The following MED20 variants were observed in gnomAD, a reference collection of about 807,000 sequenced individuals.
MED20 encodes mediator of RNA polymerase II transcription subunit 20.
Under a neutral mutation model 19.7 loss-of-function variants are expected in MED20, and 19 were observed. The ratio of observed to expected loss-of-function variants is 0.96; its 90% CI spans 0.67 to 1.42. The LOEUF (loss-of-function observed/expected upper bound fraction) is 1.42, where lower values mean the gene tolerates loss of function less well. MED20 is among the 40% of genes most tolerant of loss of function. MED20 has a pLI of 0.00. For synonymous variants in MED20, 105 were observed against 104.8 expected, an observed-to-expected ratio of 1.00 and a Z score of -0.01; for missense variants, 225 against 273.0, an observed-to-expected ratio of 0.82 and a Z score of 1.24.
Position 41,916,846 on chromosome 6 carries a change from T to C in MED20, c.108A>G (p.Gln36=). Reference sequence around the variant, plus strand: ...TCTCACAGTCCACACAAAATGTTCCTTGCTTCTCTGCCCCAAGCATCTCCA... The same window carrying C: ...TCTCACAGTCCACACAAAATGTTCCCTGCTTCTCTGCCCCAAGCATCTCCA... ...RKLEMLGAEK[Q]GTFCVDCETY... The change falls in exon 2 of 4, where the codon CAA becomes CAG. Residue 36 remains glutamine, a synonymous_variant. Coordinates refer to ENST00000265350, the MANE Select transcript of MED20 (RefSeq NM_004275.5). 1 of 1,614,110 alleles carries C rather than the reference T, an allele frequency of 6.2e-7. No homozygotes were observed.
At chr6:41,907,952 G>A (rs1775098937) in intron 3 of MED20, among the ~76,000 whole-genome samples, 2 of 152,156 alleles carry the variant, frequency 1.3e-5, no homozygotes, top group Admixed American at 6.5e-5. Flanking sequence ...GATAAACAGC[G>A]GGTCCTCAGT....
intron 2 of MED20, among the ~76,000 whole-genome samples, chr6:41,916,007 G>T (rs908450597): frequency 6.6e-6 from 1 of 152,026 alleles, no homozygotes; most frequent in Non-Finnish European, 1.5e-5. Context: ...AGTACTTTGG[G>T]AAGCTGAGGC....
rs748529032 is a variant in MED20, at chr6:41,909,574, CAGAGT to C, written c.170-57_170-53del. 3 of 1,594,344 alleles carry C rather than the reference CAGAGT, an allele frequency of 1.9e-6. No homozygotes were observed. In the South Asian group the frequency reaches 3.4e-5, roughly 18 times the overall value. ...CATCAAGACTTTCACTGGCAAACCC[CAGAGT>C]AGAGTCAAATGACTCCCCCCGGAAT... On this transcript the variant is annotated intron_variant, in intron 2 of 3. Transcript: ENST00000265350.
chr6:41,921,004 C>T lies in MED20; in HGVS notation c.14+1G>A, dbSNP rs1202726027. ...CCCCACAAAACCCCCTGCAGTCCTA[C>T]CAAGTCACTCCCATGGCGTCGGGCC... On this transcript the variant is annotated splice_donor_variant, in intron 1 of 3. Coordinates refer to ENST00000265350, the MANE Select transcript of MED20 (RefSeq NM_004275.5). LOFTEE classifies it high-confidence loss of function. 1 of 1,613,000 alleles carries T rather than the reference C, an allele frequency of 6.2e-7. No homozygotes were observed. Among genetic ancestry groups the T allele is most frequent in the Non-Finnish European group, 8.5e-7 (1 of 1,179,492 alleles).
At chr6:41,911,340 G>A (rs970420809) in intron 2 of MED20, among the ~76,000 whole-genome samples, 4 of 151,510 alleles carry the variant, frequency 2.6e-5, no homozygotes, top group Non-Finnish European at 5.9e-5. Flanking sequence ...TAGTAGAGAC[G>A]GGGTTTCACC....
Position 41,921,110 on chromosome 6 carries a change from C to T in MED20, c.-92G>A, listed in dbSNP as rs1480159097. On this transcript the variant is annotated 5_prime_UTR_variant, in exon 1 of 4. Coordinates refer to ENST00000265350, the MANE Select transcript of MED20 (RefSeq NM_004275.5). Reference sequence around the variant, plus strand: ...AACTCCTTCAGTTCCCCAACACAACCTTCTGTCTCAGAAGGGACTCCGGAA... The same window carrying T: ...AACTCCTTCAGTTCCCCAACACAACTTTCTGTCTCAGAAGGGACTCCGGAA... The T allele has an allele frequency of 3.3e-6, 5 of 1,538,248 alleles. No individual in the cohort carries two copies. Among genetic ancestry groups the T allele is most frequent in the Admixed American group, 1.8e-5 (1 of 54,772 alleles).
intron 2 of MED20, among the ~76,000 whole-genome samples, chr6:41,916,165 T>C (rs1203712359): frequency 6.6e-6 from 1 of 151,534 alleles, no homozygotes; most frequent in East Asian, 2.0e-4. Flanking sequence ...GAAGGATCAC[T>C]TGAGCCCAAG....
intron 2 of MED20, among the ~76,000 whole-genome samples, chr6:41,915,788 A>AC: frequency 6.7e-6 from 1 of 149,080 alleles, no homozygotes; most frequent in African/African-American, 2.5e-5. Flanking sequence ...CTCCGTCTCA[A>AC]AACACACACA....
chr6:41,912,987 G>A (rs1404489173), intron 2 of MED20: 2 of 151,992 alleles, frequency 1.3e-5, no homozygotes, highest in Admixed American at 6.6e-5. Context: ...GCACGCACCT[G>A]TGGCCCCAGC....
chr6:41,919,184 A>C (rs372161246), intron 1 of MED20, among the ~76,000 whole-genome samples: 257 of 151,994 alleles, frequency 1.7e-3, no homozygotes, highest in African/African-American at 6.0e-3. Context: ...AAAGAGGTTA[A>C]ATAACTTGCA....
rs149236237 is a variant in MED20 at position 41,910,462 on chromosome 6, T to C, written c.170-940A>G. On this transcript the variant is annotated intron_variant, in intron 2 of 3. Transcript: ENST00000265350. Reference sequence around the variant, plus strand: ...GCCTGATCAACATGGTGAAAACATGTCTCTACTAAAAATACAAAAATTATC... The same window carrying C: ...GCCTGATCAACATGGTGAAAACATGCCTCTACTAAAAATACAAAAATTATC... 2.6e-5 allele frequency among the ~76,000 whole-genome samples: 4 copies of C among 150,986 alleles called. No homozygotes were observed. In the East Asian group the frequency reaches 8.0e-4, roughly 30 times the overall value.
At chr6:41,917,343 T>C (rs993968863) in intron 1 of MED20, 1 of 172,600 alleles carries the variant, frequency 5.8e-6, no homozygotes, top group Non-Finnish European at 1.3e-5. Context: ...GAGACTGCAG[T>C]AAGCCGAGAC....
At chr6:41,907,341 G>C in intron 3 of MED20, 54 bp from the exon 4 acceptor site, 9 of 1,518,184 alleles carry the variant, frequency 5.9e-6, no homozygotes, top group Non-Finnish European at 7.1e-6. Context: ...GACAAGGTCT[G>C]CTTCTCTTGT....
intron 1 of MED20, 28 bp downstream of exon 1, chr6:41,920,977 C>G (rs1480537982): frequency 6.2e-7 from 1 of 1,606,952 alleles, no homozygotes; most frequent in South Asian, 1.1e-5. Flanking sequence ...CTCCAAGCCC[C>G]GCCCCACAAA....
Position 41,907,124 on chromosome 6 carries a change from A to G in MED20, c.587T>C (p.Leu196Pro). The change falls in exon 4 of 4, where the codon CTC (leucine) becomes CCC (proline). Residue 196 changes from leucine to proline, a missense_variant. Physicochemically the swap from Leu to Pro is moderately conservative, Grantham distance 98 (BLOSUM62 -3). Coordinates refer to ENST00000265350, the MANE Select transcript of MED20 (RefSeq NM_004275.5). ...CTGCTGCTTGCGGATCTTGTTGAAG[A>G]GTTCCATGTACTGGACCATGGTATC... ...PADTMVQYME[L>P]FNKIRKQQQV... 2 of 1,613,958 alleles carry G rather than the reference A, an allele frequency of 1.2e-6. No homozygotes were observed. Among genetic ancestry groups the G allele is most frequent in the Non-Finnish European group, 1.7e-6 (2 of 1,179,994 alleles).
At chr6:41,912,649 G>A (rs1038475988) in intron 2 of MED20, among the ~76,000 whole-genome samples, 1 of 151,990 alleles carries the variant, frequency 6.6e-6, no homozygotes, top group East Asian at 1.9e-4. Context: ...GAGCCACCGC[G>A]CCCAGACGAC....
intron 2 of MED20, among the ~76,000 whole-genome samples, chr6:41,911,774 C>T (rs1775201178): frequency 6.6e-6 from 1 of 152,220 alleles, no homozygotes; most frequent in East Asian, 1.9e-4. Flanking sequence ...TCCTCCAGGC[C>T]ACATCCCTCC....
intron 1 of MED20, 82 bp from the exon 2 acceptor site, chr6:41,917,021 A>G (rs1775332505): frequency 6.7e-7 from 1 of 1,485,334 alleles, no homozygotes; most frequent in Non-Finnish European, 9.3e-7. Context: ...ACAGCATCAC[A>G]GCTCATCAGG....
chr6:41,910,075 TA>T (rs1160180758), intron 2 of MED20, among the ~76,000 whole-genome samples: 1 of 152,110 alleles, frequency 6.6e-6, no homozygotes, highest in East Asian at 1.9e-4. Context: ...CAAGCTGTGA[TA>T]GGTCTTATCT....
Sources: allele counts gnomAD v4.1 joint callset (sites outside exome capture counted in the v4.1 genomes callset), GRCh38; gene constraint gnomAD v4.1.1; transcripts MANE v1.5; gene names NCBI Gene and HGNC (gene_info 2026-07-23, HGNC 2026-07-21).